FBXO31: variants seen among roughly 807,000 people sequenced by gnomAD.
FBXO31 encodes F-box only protein 31.
FBXO31 carries 24 observed loss-of-function variants against 54.4 expected under a neutral mutation model. That is an observed-to-expected ratio of 0.44 (90% CI 0.32 to 0.62). The LOEUF (loss-of-function observed/expected upper bound fraction) is 0.62, where lower values mean the gene tolerates loss of function less well. Among genes scored for constraint, FBXO31 ranks in the 20% least tolerant of loss-of-function variants. The pLI, the probability that FBXO31 is intolerant of heterozygous loss-of-function variation, is 0.05. For synonymous variants in FBXO31, 388 were observed against 335.6 expected (o/e 1.16, Z -1.71); for missense variants, 665 against 787.1 (o/e 0.84, Z 1.86).
intron 1 of FBXO31, among the ~76,000 whole-genome samples, chr16:87,362,347 C>G (rs1597372622): frequency 6.6e-6 from 1 of 151,954 alleles, no homozygotes; most frequent in African/African-American, 2.4e-5. Context: ...GTTGCCCAGG[C>G]TGTAATGTAG....
At chr16:87,353,708 T>G (rs1186815867) in intron 2 of FBXO31, among the ~76,000 whole-genome samples, 1 of 148,634 alleles carries the variant, frequency 6.7e-6, no homozygotes, top group Non-Finnish European at 1.5e-5. Flanking sequence ...GCAAGACCCT[T>G]CGGCGGGAGC....
At chr16:87,384,016 T>G (rs562110293), upstream of FBXO31, 2 of 201,294 alleles carry the variant, frequency 9.9e-6, no homozygotes, top group South Asian at 3.8e-4. Context: ...GTGCAAAACG[T>G]TAGACTGCCC....
In FBXO31 at chr16:87,338,568, G is replaced by A. The variant is rs1470534391; in HGVS notation, c.733-2304C>T. Among the ~76,000 whole-genome samples the A allele has an allele frequency of 9.2e-5, 14 of 152,220 alleles. No homozygotes were observed. The highest frequency in any genetic ancestry group is 1.9e-4 in the African/African-American group (8 of 41,526). ...AGGCCAGGTCTGGGTGGGCCCGAGC[G>A]TCCCATTTCTCACAAGGACCCACGG... On this transcript the variant is annotated intron_variant, in intron 5 of 8. Coordinates refer to ENST00000311635, the MANE Select transcript of FBXO31 (RefSeq NM_024735.5). This position sits in a 1 kb window ranked among gnomAD's most constrained non-coding sequence, Gnocchi z 4.3.
rs1420537143 is a variant in FBXO31 at position 87,338,947 on chromosome 16, T to C, written c.733-2683A>G. Among the ~76,000 whole-genome samples, 2 of 152,168 alleles carry C rather than the reference T, an allele frequency of 1.3e-5. No homozygotes were observed. The highest frequency in any genetic ancestry group is 4.8e-5 in the African/African-American group (2 of 41,426). On this transcript the variant is annotated intron_variant, in intron 5 of 8. Coordinates refer to ENST00000311635, the MANE Select transcript of FBXO31 (RefSeq NM_024735.5). The surrounding 1 kb of genome is among the most constrained non-coding windows in gnomAD (Gnocchi z 4.3). ...CTGCTCTCATGATAGTGAATAAGTC[T>C]CACGAGATGCAATGGTTTTATAAAG...
At chr16:87,365,033 A>ATCTATCTATCTATC (rs1351376957) in intron 1 of FBXO31, among the ~76,000 whole-genome samples, 2 of 110,212 alleles carry the variant, frequency 1.8e-5, no homozygotes, top group African/African-American at 7.1e-5. Flanking sequence ...ATATATATAT[A>ATCTATCTATCTATC]TATATATCAG....
chr16:87,359,617 G>A (rs1273042853), intron 2 of FBXO31, among the ~76,000 whole-genome samples: 3 of 152,212 alleles, frequency 2.0e-5, no homozygotes, highest in Non-Finnish European at 4.4e-5. Flanking sequence ...TCAAAGAATG[G>A]TCAGAAGATG....
chr16:87,331,698 G>C (rs377439977), intron 8 of FBXO31, among the ~76,000 whole-genome samples, 188 bp from the exon 9 acceptor site: 2 of 152,372 alleles, frequency 1.3e-5, no homozygotes, highest in Middle Eastern at 3.4e-3. Flanking sequence ...GCCTGTCTCT[G>C]AAGGGGTAGC....
intron 1 of FBXO31, among the ~76,000 whole-genome samples, chr16:87,374,539 C>T (rs578138751): frequency 6.6e-6 from 1 of 152,294 alleles, no homozygotes; most frequent in African/African-American, 2.4e-5. Context: ...AGTCCTAAGC[C>T]CGACTGTCTG....
In FBXO31 at chr16:87,336,136, G is replaced by C; in HGVS notation, c.842+19C>G. 1 of 1,605,072 alleles carries C rather than the reference G, an allele frequency of 6.2e-7. No individual in the cohort carries two copies. Among genetic ancestry groups the C allele is most frequent in the Middle Eastern group, 1.7e-4 (1 of 5,994 alleles). Reference sequence around the variant, plus strand: ...ACCAGGAGAGGGCTACCCCAGCACCGAGCAGGAGCCGCACTCACTCGTACT... The same window carrying C: ...ACCAGGAGAGGGCTACCCCAGCACCCAGCAGGAGCCGCACTCACTCGTACT... On this transcript the variant is annotated intron_variant, in intron 6 of 8. Coordinates refer to ENST00000311635, the MANE Select transcript of FBXO31 (RefSeq NM_024735.5). This position sits in a 1 kb window ranked among gnomAD's most constrained non-coding sequence, Gnocchi z 6.5.
intron 5 of FBXO31, among the ~76,000 whole-genome samples, chr16:87,339,273 C>A (rs1338884873): frequency 6.6e-6 from 1 of 152,232 alleles, no homozygotes; most frequent in South Asian, 2.1e-4. Flanking sequence ...TCCAGACCTC[C>A]TGGGATGTCC....
At chr16:87,361,402 A>G (rs1399034900) in intron 1 of FBXO31, among the ~76,000 whole-genome samples, 1 of 152,212 alleles carries the variant, frequency 6.6e-6, no homozygotes, top group Admixed American at 6.5e-5. Context: ...AACACAGGAG[A>G]CGGGACGAGG....
intron 8 of FBXO31, among the ~76,000 whole-genome samples, chr16:87,332,364 G>C (rs1013668997): frequency 1.8e-4 from 27 of 152,246 alleles, no homozygotes; most frequent in Non-Finnish European, 2.9e-5. Flanking sequence ...TGTCCTGCAG[G>C]TTAGCTGGGG....
chr16:87,368,961 G>A (rs1053465092), intron 1 of FBXO31, among the ~76,000 whole-genome samples: 7 of 151,968 alleles, frequency 4.6e-5, no homozygotes, highest in African/African-American at 1.7e-4. Context: ...CACCACACCT[G>A]GCCCCAATTT....
rs182439318 is a variant in FBXO31 at position 87,364,151 on chromosome 16, G to C, written c.341-3785C>G. 1.2e-4 allele frequency among the ~76,000 whole-genome samples: 18 copies of C among 152,316 alleles called. No individual in the cohort carries two copies. In the East Asian group the frequency reaches 3.1e-3, roughly 26 times the overall value. On this transcript the variant is annotated intron_variant, in intron 1 of 8. Coordinates refer to ENST00000311635, the MANE Select transcript of FBXO31 (RefSeq NM_024735.5). ...TGATCACCGGAGTCCAGATATTTCT[G>C]TCAAGTCAGCCAACCAGGAAGGGGC... is the stretch of plus-strand genomic sequence containing the variant.
intron 5 of FBXO31, among the ~76,000 whole-genome samples, chr16:87,342,438 C>T (rs1460840329): frequency 6.6e-6 from 1 of 152,176 alleles, no homozygotes; most frequent in Non-Finnish European, 1.5e-5. Context: ...CTCAGGCAAA[C>T]AATCACACAC....
intron 1 of FBXO31, among the ~76,000 whole-genome samples, chr16:87,371,331 G>A (rs1440013068): frequency 6.6e-6 from 1 of 152,184 alleles, no homozygotes; most frequent in Non-Finnish European, 1.5e-5. Context: ...CCCACGACAG[G>A]CACCCACTGG....
intron 5 of FBXO31, among the ~76,000 whole-genome samples, chr16:87,340,005 G>T (rs1049608686): frequency 6.6e-6 from 1 of 152,216 alleles, no homozygotes; most frequent in South Asian, 2.1e-4. Context: ...GAATTCGGCC[G>T]GGCGCGGTGG....
In FBXO31 at chr16:87,340,563, C is replaced by G. The variant is rs532589204; in HGVS notation, c.732+2314G>C. 8.5e-5 allele frequency among the ~76,000 whole-genome samples: 13 copies of G among 152,312 alleles called. No homozygotes were observed. In the South Asian group the frequency reaches 2.7e-3, roughly 32 times the overall value. On this transcript the variant is annotated intron_variant, in intron 5 of 8. Transcript: ENST00000311635. ...CACAGACACAAGAGAAAAATAAAAG[C>G]ATGAGCTCATTTGTAAACATATGTG...
intron 1 of FBXO31, among the ~76,000 whole-genome samples, chr16:87,369,925 C>G (rs1467942573): frequency 6.6e-6 from 1 of 152,142 alleles, no homozygotes; most frequent in Non-Finnish European, 1.5e-5. Flanking sequence ...AACAAAACAG[C>G]CCAGTGACCT....
Sources: allele counts gnomAD v4.1 joint callset (sites outside exome capture counted in the v4.1 genomes callset), GRCh38; gene constraint gnomAD v4.1.1; non-coding constraint Gnocchi (gnomAD v3.1); transcripts MANE v1.5; gene names NCBI Gene and HGNC (gene_info 2026-07-23, HGNC 2026-07-21).